ATP2C2: variants seen among roughly 807,000 people sequenced by gnomAD.
ATP2C2 encodes the protein calcium-transporting ATPase type 2C member 2.
ATP2C2 carries 171 observed loss-of-function variants against 110.8 expected under a neutral mutation model. That is an observed-to-expected ratio of 1.54 (90% CI 1.36 to 1.75). ATP2C2 has a LOEUF of 1.75. ATP2C2 is among the 40% of genes most tolerant of loss of function. The probability of loss-of-function intolerance (pLI) is 0.00; values close to 1 mark genes in which losing one functional copy is unlikely to be tolerated. For synonymous variants in ATP2C2, 804 were observed against 508.4 expected (o/e 1.58, Z -7.82); for missense variants, 1,963 against 1,235.0 (o/e 1.59, Z -8.84).
chr16:84,439,410 G>T lies in ATP2C2; in HGVS notation c.1112-17G>T. ...GATGGCAACTTCTCTTCTATAAACT[G>T]GTGTTTGTTGTACCAGGTTGCTGCA... is the stretch of plus-strand genomic sequence containing the variant. On this transcript the variant is annotated splice_polypyrimidine_tract_variant and intron_variant, in intron 12 of 26. Transcript: ENST00000262429. The T allele has an allele frequency of 5.0e-6, 8 of 1,613,802 alleles. No individual in the cohort carries two copies. Among genetic ancestry groups the T allele is most frequent in the Non-Finnish European group, 5.9e-6 (7 of 1,179,830 alleles).
chr16:84,370,147 G>C (rs58462329), intron 1 of ATP2C2, among the ~76,000 whole-genome samples: 39,405 of 151,798 alleles, frequency 0.26, 6,347 homozygotes, highest in East Asian at 0.47. Flanking sequence ...CAGGTGCATG[G>C]ATGATGTAAC....
chr16:84,458,692 C>G (rs996102184), intron 21 of ATP2C2, among the ~76,000 whole-genome samples: 2 of 152,234 alleles, frequency 1.3e-5, no homozygotes, highest in Admixed American at 1.3e-4. Flanking sequence ...GTCCTTCAGC[C>G]TCCCCATCCC....
At chr16:84,455,831 G>A (rs1372328697) in intron 21 of ATP2C2, among the ~76,000 whole-genome samples, 1 of 146,150 alleles carries the variant, frequency 6.8e-6, no homozygotes, top group African/African-American at 2.5e-5. Flanking sequence ...AGAGTTTTTA[G>A]CATGAAGGGT....
chr16:84,403,357 G>A (rs1448432230), intron 2 of ATP2C2, among the ~76,000 whole-genome samples: 1 of 152,156 alleles, frequency 6.6e-6, no homozygotes, highest in Non-Finnish European at 1.5e-5. Flanking sequence ...CCAGGCTCGA[G>A]TCCAGTGCTG....
At chr16:84,417,084 C>G (rs1461803853) in intron 7 of ATP2C2, among the ~76,000 whole-genome samples, 1 of 152,222 alleles carries the variant, frequency 6.6e-6, no homozygotes, top group East Asian at 1.9e-4. Flanking sequence ...CATTCAAAGC[C>G]TTGTGAACCT....
chr16:84,425,547 G>A (rs964945241), intron 10 of ATP2C2, among the ~76,000 whole-genome samples, 188 bp from the exon 11 acceptor site: 10 of 152,116 alleles, frequency 6.6e-5, no homozygotes, highest in Non-Finnish European at 1.5e-4. Context: ...AAGTAAAATC[G>A]GGTTTTTGTA....
chr16:84,403,307 A>C (rs566315113), intron 2 of ATP2C2, among the ~76,000 whole-genome samples: 10 of 152,164 alleles, frequency 6.6e-5, no homozygotes, highest in African/African-American at 2.2e-4. Context: ...TACCATCTTA[A>C]CCTTGTTATT....
chr16:84,403,841 C>T (rs1051543137), intron 2 of ATP2C2, among the ~76,000 whole-genome samples: 1 of 152,192 alleles, frequency 6.6e-6, no homozygotes, highest in Non-Finnish European at 1.5e-5. Flanking sequence ...CAGGCACATG[C>T]CACCACGCCC....
chr16:84,385,247 G>C (rs1904303469), intron 1 of ATP2C2, among the ~76,000 whole-genome samples: 4 of 152,138 alleles, frequency 2.6e-5, no homozygotes, highest in East Asian at 1.9e-4. Flanking sequence ...GAGCAAGAGA[G>C]AGAGCAGGGG....
chr16:84,368,758 C>A (rs1399083296), intron 1 of ATP2C2, 44 bp downstream of exon 1: 8 of 1,433,338 alleles, frequency 5.6e-6, no homozygotes, highest in Non-Finnish European at 6.5e-6. Flanking sequence ...CCCGACCCCC[C>A]ATCCCCTCCG....
intron 24 of ATP2C2, chr16:84,461,510 T>C: frequency 1.6e-6 from 1 of 623,778 alleles, no homozygotes; most frequent in Non-Finnish European, 2.9e-6. Flanking sequence ...ATCCTCATGG[T>C]GGCAGCAAAT....
chr16:84,431,477 C>G (rs751331014), intron 11 of ATP2C2, among the ~76,000 whole-genome samples: 4 of 151,890 alleles, frequency 2.6e-5, no homozygotes, highest in Non-Finnish European at 4.4e-5. Flanking sequence ...ACCTGGGCAA[C>G]AGAGCAAAAC....
At chr16:84,386,119 C>G (rs569590200) in intron 1 of ATP2C2, among the ~76,000 whole-genome samples, 1 of 152,030 alleles carries the variant, frequency 6.6e-6, no homozygotes, top group Non-Finnish European at 1.5e-5. Context: ...CTTTCTGTAC[C>G]TTGGCCCTGG....
chr16:84,372,335 A>G (rs1910001801), intron 1 of ATP2C2, among the ~76,000 whole-genome samples: 1 of 152,230 alleles, frequency 6.6e-6, no homozygotes, highest in African/African-American at 2.4e-5. Context: ...TCATGCACAC[A>G]CAACTTTAAC....
chr16:84,412,566 G>A (rs988981070), intron 6 of ATP2C2, among the ~76,000 whole-genome samples: 3 of 150,922 alleles, frequency 2.0e-5, no homozygotes, highest in African/African-American at 4.9e-5. Flanking sequence ...GTGTGTGTGT[G>A]TGTATGTGTG....
chr16:84,412,534 CTGTG>C (rs796599098), intron 6 of ATP2C2, among the ~76,000 whole-genome samples: 14 of 126,784 alleles, frequency 1.1e-4, no homozygotes, highest in East Asian at 2.5e-4. Flanking sequence ...GTGCATGTGT[CTGTG>C]TGTGTATGCG....
Position 84,415,109 on chromosome 16 carries a change from C to A in ATP2C2, c.516-374C>A, listed in dbSNP as rs538656082. Reference sequence around the variant, plus strand: ...GATAAGGCTCTGCCATCCCTGACTTCCTGAGACAGACCCTGCACCCTGAGT... The same window carrying A: ...GATAAGGCTCTGCCATCCCTGACTTACTGAGACAGACCCTGCACCCTGAGT... On this transcript the variant is annotated intron_variant, in intron 6 of 26. Transcript: ENST00000262429. Among the ~76,000 whole-genome samples, 5 of 152,200 alleles carry A rather than the reference C, an allele frequency of 3.3e-5. No individual in the cohort carries two copies. In the South Asian group the frequency reaches 1.0e-3, roughly 32 times the overall value.
At chr16:84,373,071 G>C (rs1910048171) in intron 1 of ATP2C2, among the ~76,000 whole-genome samples, 1 of 144,920 alleles carries the variant, frequency 6.9e-6, no homozygotes, top group Non-Finnish European at 1.5e-5. Flanking sequence ...AGAGAGCTGA[G>C]ATCACGAAAC....
chr16:84,428,231 C>A (rs891264), intron 11 of ATP2C2, among the ~76,000 whole-genome samples: 56,287 of 151,846 alleles, frequency 0.37, 10,546 homozygotes, highest in South Asian at 0.4. Flanking sequence ...TATCAGGTAC[C>A]TAGTATCAGG....
Sources: gnomAD v4.1 joint callset for allele counts (sites outside exome capture counted in the v4.1 genomes callset) on GRCh38, gnomAD v4.1.1 for gene constraint, MANE v1.5 for transcripts, NCBI Gene and HGNC (gene_info 2026-07-23, HGNC 2026-07-21) for gene names.